CLCN6: variants seen among roughly 807,000 people sequenced by gnomAD.
The protein encoded by CLCN6 is H(+)/Cl(-) exchange transporter 6.
A neutral mutation model predicts 109.8 loss-of-function variants in CLCN6; 70 were observed. That is an observed-to-expected ratio of 0.64 (90% CI 0.53 to 0.78). The LOEUF is 0.78. Among genes scored for constraint, CLCN6 ranks in the 30% least tolerant of loss-of-function variants. The pLI is 0.00. For missense variants in CLCN6, 984 were observed against 1,142.3 expected (o/e 0.86, Z 2.00); for synonymous variants, 444 against 447.8 (o/e 0.99, Z 0.11).
At position 11,834,059 on chromosome 1, in the gene CLCN6, C is replaced by T. The variant is rs781544479; in HGVS notation, c.1526+29C>T. 10 of 1,609,434 alleles carry T rather than the reference C, an allele frequency of 6.2e-6. No individual in the cohort carries two copies. The African/African-American group carries it at 1.1e-4, about 17-fold the overall frequency. ...CTCTGTGTGTGTGCGTGTGTGTGCG[C>T]ATGTGCATGTGTGTGCACGTGTGCG... On this transcript the variant is annotated intron_variant, in intron 15 of 22. Coordinates refer to ENST00000346436, the MANE Select transcript of CLCN6 (RefSeq NM_001286.5). This position sits in a 1 kb window ranked among gnomAD's most constrained non-coding sequence, Gnocchi z 4.5.
At chr1:11,824,860 C>T (rs146707182) in intron 8 of CLCN6, among the ~76,000 whole-genome samples, 2 of 152,298 alleles carry the variant, frequency 1.3e-5, no homozygotes, top group African/African-American at 4.8e-5. Flanking sequence ...CTGGGTGGAT[C>T]ATCTCAGTGC....
At chr1:11,820,445 A>C in intron 5 of CLCN6, 1 of 711,046 alleles carries the variant, frequency 1.4e-6, no homozygotes. Context: ...AATTTCTTAA[A>C]ACTCCAGAAG....
At chr1:11,809,855 T>C (rs866846983) in intron 2 of CLCN6, among the ~76,000 whole-genome samples, 13 of 152,254 alleles carry the variant, frequency 8.5e-5, no homozygotes, top group African/African-American at 3.1e-4. Flanking sequence ...GCACTTGCTT[T>C]GTGTAAGAAC....
At position 11,840,492 on chromosome 1, in the gene CLCN6, C is replaced by T. The variant is rs1408651442; in HGVS notation, c.*269C>T. ...ACCCTCCAGTGTTGGCACAGGCCCACCCCTGGCTCCACCAGAGCCAGAAGC... is the reference window on the plus strand; with the variant it reads ...ACCCTCCAGTGTTGGCACAGGCCCATCCCTGGCTCCACCAGAGCCAGAAGC... On this transcript the variant is annotated 3_prime_UTR_variant, in exon 23 of 23. Transcript: ENST00000346436. 5 of 536,538 alleles carry T rather than the reference C, an allele frequency of 9.3e-6. No homozygotes were observed. The highest frequency in any genetic ancestry group is 5.7e-5 in the African/African-American group (3 of 52,588). The allele number at this position is 536,538 out of a possible 1,614,324, so 33.2% of individuals were successfully genotyped here.
chr1:11,823,292 A>AGTAAAAATACAAAATTAGCCG (rs56968906), intron 6 of CLCN6, among the ~76,000 whole-genome samples: 5 of 152,010 alleles, frequency 3.3e-5, no homozygotes, highest in African/African-American at 4.8e-5. Flanking sequence ...CCCTGTCTCT[A>AGTAAAAATACAAAATTAGCCG]GTAAAAATAC....
intron 13 of CLCN6, among the ~76,000 whole-genome samples, chr1:11,833,194 A>G (rs1226539943): frequency 1.3e-5 from 2 of 152,186 alleles, no homozygotes; most frequent in Non-Finnish European, 2.9e-5. Context: ...CTCTCAGGCC[A>G]GGCTTCTAGC....
At position 11,840,540 on chromosome 1, in the gene CLCN6, C is replaced by T. The variant is rs1408759946; in HGVS notation, c.*317C>T. 5 of 457,300 alleles carry T rather than the reference C, an allele frequency of 1.1e-5. No homozygotes were observed. The highest frequency in any genetic ancestry group is 2.0e-5 in the Non-Finnish European group (5 of 246,502). The allele number at this position is 457,300 out of a possible 1,614,324, so 28.3% of individuals were successfully genotyped here. A position where few individuals can be genotyped will look rare whatever the true frequency, so the allele number is the denominator to read the frequency against. On this transcript the variant is annotated 3_prime_UTR_variant, in exon 23 of 23. Transcript: ENST00000346436. ...AGCAGAGGTAGAATCAGGCGGGCCCCGGGCTGCACTCCGAGCAGTGTTCCT... is the reference window on the plus strand; with the variant it reads ...AGCAGAGGTAGAATCAGGCGGGCCCTGGGCTGCACTCCGAGCAGTGTTCCT...
Position 11,811,902 on chromosome 1 carries a change from T to C in CLCN6, c.148-3944T>C, listed in dbSNP as rs117753025. ...TGAAGTACTTGACCAGTAATTTCCA[T>C]ACATATTTTGGATGAAGGCAAGGGT... is the stretch of plus-strand genomic sequence containing the variant. On this transcript the variant is annotated intron_variant, in intron 2 of 22. Transcript: ENST00000346436. 1.2e-4 allele frequency among the ~76,000 whole-genome samples: 19 copies of C among 152,234 alleles called. 1 individual carries two copies. In the East Asian group the frequency reaches 3.7e-3, roughly 29 times the overall value.
At position 11,828,291 on chromosome 1, in the gene CLCN6, G is replaced by C. The variant is rs369653657; in HGVS notation, c.954+72G>C. 278 of 1,482,468 alleles carry C rather than the reference G, an allele frequency of 1.9e-4. No homozygotes were observed. In the African/African-American group the frequency reaches 3.5e-3, roughly 19 times the overall value. 91.8% of individuals were successfully genotyped at this position (1,482,468 alleles called of 1,614,324 possible). ...ATTTCCTCTCAAGTGAAGGACCAGA[G>C]AGAAATGAGCAGAGGGCTAGGTACA... On this transcript the variant is annotated intron_variant, in intron 11 of 22. Coordinates refer to ENST00000346436, the MANE Select transcript of CLCN6 (RefSeq NM_001286.5).
At position 11,823,747 on chromosome 1, in the gene CLCN6, A is replaced by G. The variant is rs769786753; in HGVS notation, c.494A>G (p.Tyr165Cys). The change falls in exon 7 of 23, where the codon TAT becomes TGT. Residue 165 changes from tyrosine (Y) to cysteine (C), a missense_variant. By Grantham distance (194) the Tyr-to-Cys change is radical. Transcript: ENST00000346436. ...TCCGGGATACCCGAGGTCAAATGCT[A>G]TCTGAATGGCGTAAAGGTGCCAGGA... The part of the protein sequence containing the change: ...AGSGIPEVKC[Y>C]LNGVKVPGIV... 3 of 1,614,158 alleles carry G rather than the reference A, an allele frequency of 1.9e-6. No homozygotes were observed. The African/African-American group carries it at 4.0e-5, about 22-fold the overall frequency.
Position 11,833,538 on chromosome 1 carries a change from T to C in CLCN6, c.1272T>C (p.Ser424=), listed in dbSNP as rs1644905457. ...QLQVTEDVNS[S]IKTFFCPNDT... ...AGGTCACAGAAGATGTGAATTCAAG[T>C]ATCAAGACATTTTTTTGTCCCAATG... The change falls in exon 14 of 23, where the codon AGT becomes AGC. Residue 424 remains serine (S), a synonymous_variant. Coordinates refer to ENST00000346436, the MANE Select transcript of CLCN6 (RefSeq NM_001286.5). 6.2e-7 allele frequency: 1 copy of C among 1,613,896 alleles called. No individual in the cohort carries two copies. The highest frequency in any genetic ancestry group is 1.7e-5 in the Admixed American group (1 of 59,994).
At chr1:11,818,567 A>G (rs1451552643) in intron 4 of CLCN6, among the ~76,000 whole-genome samples, 2 of 152,198 alleles carry the variant, frequency 1.3e-5, no homozygotes, top group African/African-American at 4.8e-5. Flanking sequence ...ACTCTTGTCC[A>G]TTGATGTGTG....
In CLCN6 at chr1:11,819,455, A is replaced by C. The variant is rs139945323; in HGVS notation, c.280-33A>C. 2.3e-4 allele frequency: 361 copies of C among 1,599,722 alleles called. 2 individuals carry two copies. The African/African-American group carries it at 4.3e-3, about 19-fold the overall frequency. Reference sequence around the variant, plus strand: ...CTATACTTGTGCTACACTTGGAAATAAGGCTGTGTGACAGATCTCTTGCTC... The same window carrying C: ...CTATACTTGTGCTACACTTGGAAATCAGGCTGTGTGACAGATCTCTTGCTC... On this transcript the variant is annotated intron_variant, in intron 4 of 22. Coordinates refer to ENST00000346436, the MANE Select transcript of CLCN6 (RefSeq NM_001286.5).
At chr1:11,838,813 G>T (rs142008102) in intron 22 of CLCN6, 153 bp downstream of exon 22, 3 of 1,119,046 alleles carry the variant, frequency 2.7e-6, no homozygotes, top group South Asian at 1.3e-5. Context: ...CTCGGCTTCC[G>T]TGCACTCGGG....
At chr1:11,817,019 A>C (rs1295214748) in intron 4 of CLCN6, among the ~76,000 whole-genome samples, 2 of 152,190 alleles carry the variant, frequency 1.3e-5, no homozygotes, top group East Asian at 3.9e-4. Flanking sequence ...TCTACCTAGT[A>C]AACTAGATGT....
intron 12 of CLCN6, 71 bp downstream of exon 12, chr1:11,828,695 T>G: frequency 1.4e-6 from 2 of 1,474,466 alleles, no homozygotes; most frequent in Non-Finnish European, 1.8e-6. Context: ...GCGCCATCTC[T>G]CCCGAGGAGC....
chr1:11,836,095 G>A lies in CLCN6; in HGVS notation c.1922G>A (p.Gly641Asp). The stretch of plus-strand genomic sequence containing the variant: ...TTCCCGGTGGTCACAGAGAACCGCG[G>A]TAACGAGAAGGAGTTCATGAAGGGC... The part of the protein sequence containing the change: ...HAFPVVTENR[G>D]NEKEFMKGNQ... The change falls in exon 18 of 23, where the codon GGT (glycine) becomes GAT (aspartate). Residue 641 changes from glycine to aspartate, a missense_variant. Transcript: ENST00000346436. 1 of 1,613,750 alleles carries A rather than the reference G, an allele frequency of 6.2e-7. No homozygotes were observed. Among genetic ancestry groups the A allele is most frequent in the Non-Finnish European group, 8.5e-7 (1 of 1,179,906 alleles).
intron 13 of CLCN6, among the ~76,000 whole-genome samples, chr1:11,832,435 A>G (rs1644893269): frequency 6.6e-6 from 1 of 152,220 alleles, no homozygotes. Flanking sequence ...AGTTTGGGAA[A>G]CACTGCATGT....
At chr1:11,822,284 G>A (rs573085880) in intron 5 of CLCN6, among the ~76,000 whole-genome samples, 14 of 152,202 alleles carry the variant, frequency 9.2e-5, no homozygotes, top group African/African-American at 3.4e-4. Context: ...TAAGAGATGA[G>A]GCCTCACACT....
Sources: allele counts gnomAD v4.1 joint callset (sites outside exome capture counted in the v4.1 genomes callset), GRCh38; gene constraint gnomAD v4.1.1; non-coding constraint Gnocchi (gnomAD v3.1); transcripts MANE v1.5; gene names NCBI Gene and HGNC (gene_info 2026-07-23, HGNC 2026-07-21).